The following CDH13 variants were observed in gnomAD, a reference collection of about 807,000 sequenced individuals.
The protein encoded by CDH13 is cadherin-13.
A neutral mutation model predicts 63.8 loss-of-function variants in CDH13; 24 were observed. That is an observed-to-expected ratio of 0.38 (90% confidence interval 0.27 to 0.53). CDH13 has a LOEUF of 0.53. Ranked by LOEUF, CDH13 falls within the 20% of genes least tolerant of loss-of-function variation. CDH13 has a pLI of 0.85. For missense variants in CDH13, 1,049 were observed against 903.1 expected (o/e 1.16, Z -2.07); for synonymous variants, 503 against 355.3 (o/e 1.42, Z -4.67).
chr16:83,436,636 C>G (rs2072313838), intron 6 of CDH13, among the ~76,000 whole-genome samples: 1 of 152,224 alleles, frequency 6.6e-6, no homozygotes, highest in Non-Finnish European at 1.5e-5. Flanking sequence ...TTTGAAAGAA[C>G]TTAGTGCCTT....
intron 5 of CDH13, among the ~76,000 whole-genome samples, chr16:83,230,528 G>A (rs1016221684): frequency 3.2e-4 from 48 of 152,306 alleles, no homozygotes; most frequent in Admixed American, 2.0e-3. Flanking sequence ...GCTCACACCT[G>A]TAATCCCAGC....
intron 1 of CDH13, among the ~76,000 whole-genome samples, chr16:82,768,846 C>A (rs1014681732): frequency 6.6e-6 from 1 of 152,166 alleles, no homozygotes; most frequent in African/African-American, 2.4e-5. Flanking sequence ...AGATCAGAAG[C>A]AATTCTGTGT....
chr16:82,923,686 C>T (rs2042223099), intron 2 of CDH13, among the ~76,000 whole-genome samples: 1 of 152,174 alleles, frequency 6.6e-6, no homozygotes, highest in Non-Finnish European at 1.5e-5. Context: ...TGAGATAAAT[C>T]ATATGAAACC....
At chr16:83,681,802 G>C (rs1317021476) in intron 10 of CDH13, among the ~76,000 whole-genome samples, 1 of 152,168 alleles carries the variant, frequency 6.6e-6, no homozygotes, top group Non-Finnish European at 1.5e-5. Context: ...GAGGGGCCAG[G>C]ATGGGAGACA....
intron 5 of CDH13, among the ~76,000 whole-genome samples, chr16:83,338,200 A>C (rs960167216): frequency 6.6e-6 from 1 of 151,674 alleles, no homozygotes; most frequent in Non-Finnish European, 1.5e-5. Context: ...AAAAAAAAAA[A>C]AAACAAGTAA....
At chr16:83,209,192 T>C (rs1031623468) in intron 4 of CDH13, among the ~76,000 whole-genome samples, 2 of 152,166 alleles carry the variant, frequency 1.3e-5, no homozygotes, top group Non-Finnish European at 2.9e-5. Context: ...ATGCAGTTTA[T>C]ATAGCATTTT....
intron 4 of CDH13, among the ~76,000 whole-genome samples, chr16:83,183,987 T>C (rs2038429876): frequency 6.6e-6 from 1 of 151,792 alleles, no homozygotes; most frequent in South Asian, 2.1e-4. Flanking sequence ...GTTTCTCAAC[T>C]TGAACATTAA....
intron 4 of CDH13, among the ~76,000 whole-genome samples, chr16:83,146,708 G>A (rs8051777): frequency 0.28 from 42,251 of 152,028 alleles, 6,679 homozygotes; most frequent in African/African-American, 0.44. Flanking sequence ...AATAATTCAA[G>A]CACAATTGGA....
At chr16:83,674,682 C>G (rs995057075) in intron 9 of CDH13, among the ~76,000 whole-genome samples, 1 of 152,212 alleles carries the variant, frequency 6.6e-6, no homozygotes, top group African/African-American at 2.4e-5. Context: ...CAGGATGCTG[C>G]TGGTTTCCAG....
chr16:83,292,013 A>G (rs923337831), intron 5 of CDH13, among the ~76,000 whole-genome samples: 2 of 152,198 alleles, frequency 1.3e-5, no homozygotes, highest in Non-Finnish European at 2.9e-5. Context: ...GTTAATTTGT[A>G]ATGTCCTTGA....
At chr16:82,928,655 G>A (rs6565082) in intron 2 of CDH13, among the ~76,000 whole-genome samples, 93,201 of 152,092 alleles carry the variant, frequency 0.61, 30,273 homozygotes, top group Non-Finnish European at 0.73. Context: ...TAAGAGTTGT[G>A]TAGGCTCTGT....
At chr16:83,007,064 C>T (rs1330455144) in intron 2 of CDH13, among the ~76,000 whole-genome samples, 1 of 152,038 alleles carries the variant, frequency 6.6e-6, no homozygotes, top group Non-Finnish European at 1.5e-5. Context: ...GCTGGGATTA[C>T]AGGCATGCAC....
chr16:82,965,311 T>C (rs1734358743), intron 2 of CDH13, among the ~76,000 whole-genome samples: 1 of 152,242 alleles, frequency 6.6e-6, no homozygotes, highest in South Asian at 2.1e-4. Flanking sequence ...TCTTCTGAGC[T>C]TGGAGCTGAA....
At chr16:83,198,608 G>A (rs902147007) in intron 4 of CDH13, among the ~76,000 whole-genome samples, 12 of 152,138 alleles carry the variant, frequency 7.9e-5, no homozygotes, top group African/African-American at 1.9e-4. Flanking sequence ...ACTATTTGGC[G>A]ACATATTTCA....
intron 5 of CDH13, among the ~76,000 whole-genome samples, chr16:83,295,267 A>C (rs541108707): frequency 6.6e-6 from 1 of 152,180 alleles, no homozygotes; most frequent in African/African-American, 2.4e-5. Context: ...ACTTGAAACT[A>C]TGAAACAACT....
chr16:83,491,763 TGC>T (rs1005967872), intron 7 of CDH13, among the ~76,000 whole-genome samples: 1 of 152,196 alleles, frequency 6.6e-6, no homozygotes, highest in African/African-American at 2.4e-5. Flanking sequence ...AGTGATAGCC[TGC>T]CCGTGAAAAT....
At chr16:83,571,936 T>C (rs1420753973) in intron 7 of CDH13, among the ~76,000 whole-genome samples, 1 of 152,098 alleles carries the variant, frequency 6.6e-6, no homozygotes, top group Non-Finnish European at 1.5e-5. Flanking sequence ...GGCTCTGTCA[T>C]TTCCTCTGGA....
At chr16:83,234,850 C>G (rs1325154262) in intron 5 of CDH13, among the ~76,000 whole-genome samples, 2 of 152,154 alleles carry the variant, frequency 1.3e-5, no homozygotes, top group Non-Finnish European at 2.9e-5. Context: ...AACCAAATGA[C>G]AAACCCACGT....
intron 11 of CDH13, among the ~76,000 whole-genome samples, chr16:83,757,156 G>C (rs765978697): frequency 1.2e-4 from 19 of 152,240 alleles, no homozygotes; most frequent in Middle Eastern, 3.4e-3. Context: ...ACATAAAACA[G>C]TACACTTCCA....
Sources: gnomAD v4.1 joint callset for allele counts (sites outside exome capture counted in the v4.1 genomes callset) on GRCh38, gnomAD v4.1.1 for gene constraint, MANE v1.5 for transcripts, NCBI Gene and HGNC (gene_info 2026-07-23, HGNC 2026-07-21) for gene names.